MAD1L1: variants seen among roughly 807,000 people sequenced by gnomAD.
The protein encoded by MAD1L1 is mitotic arrest deficient 1 like 1, also known as mitotic spindle assembly checkpoint protein MAD1.
In MAD1L1, 95 loss-of-function variants were observed where a neutral mutation model predicts 96.9. The ratio of observed to expected loss-of-function variants is 0.98; its 90% confidence interval spans 0.83 to 1.16. The LOEUF (loss-of-function observed/expected upper bound fraction) is 1.16, where lower values mean the gene tolerates loss of function less well. Among genes scored for constraint, MAD1L1 ranks in the 50% most tolerant of loss-of-function variants. MAD1L1 has a pLI of 0.00. For synonymous variants in MAD1L1, 473 were observed against 396.6 expected, an observed-to-expected ratio of 1.19 and a Z score of -2.29; for missense variants, 1,007 against 954.4, an observed-to-expected ratio of 1.06 and a Z score of -0.73.
chr7:2,183,849 A>C (rs1791323701), intron 10 of MAD1L1, among the ~76,000 whole-genome samples: 1 of 152,118 alleles, frequency 6.6e-6, no homozygotes, highest in South Asian at 2.1e-4. Flanking sequence ...ACATGTATAC[A>C]TATGTAACAA....
intron 11 of MAD1L1, chr7:2,148,432 T>A (rs1356015244): frequency 1.3e-5 from 2 of 152,974 alleles, no homozygotes; most frequent in African/African-American, 4.8e-5. Context: ...TCATGGTAGC[T>A]CCACCTTCTG....
In MAD1L1 at chr7:2,184,033, G is replaced by A. The variant is rs547321052; in HGVS notation, c.986+29179C>T. Among the ~76,000 whole-genome samples, 16 of 152,020 alleles carry A rather than the reference G, an allele frequency of 1.1e-4. No individual in the cohort carries two copies. In the East Asian group the frequency reaches 1.5e-3, roughly 15 times the overall value. On this transcript the variant is annotated intron_variant, in intron 10 of 18. Coordinates refer to ENST00000265854, the MANE Select transcript of MAD1L1 (RefSeq NM_001013836.2). ...TGGGAGGCCGAGGCGGGTGGATCAC[G>A]AGGTCAGGAAATCGAGACCATCCTG...
chr7:2,129,276 C>G (rs1028532874), intron 11 of MAD1L1, among the ~76,000 whole-genome samples: 1 of 152,230 alleles, frequency 6.6e-6, no homozygotes, highest in South Asian at 2.1e-4. Flanking sequence ...AGTGAAAGAA[C>G]AAGACGCCTG....
In MAD1L1 at chr7:2,214,021, G is replaced by A. The variant is rs79594513; in HGVS notation, c.925-748C>T. 3.7e-3 allele frequency among the ~76,000 whole-genome samples: 564 copies of A among 152,350 alleles called. 6 individuals are homozygous for A. Among genetic ancestry groups the A allele is most frequent in the Middle Eastern group, 0.017 (5 of 294 alleles). On this transcript the variant is annotated intron_variant, in intron 9 of 18. Coordinates refer to ENST00000265854, the MANE Select transcript of MAD1L1 (RefSeq NM_001013836.2). ...GGTATTCTCACAGCCCCTCCTATGC[G>A]CAGGCACGCACTTGACTAGTAACTA... is the stretch of plus-strand genomic sequence containing the variant.
At chr7:2,040,699 C>T (rs999908199) in intron 12 of MAD1L1, among the ~76,000 whole-genome samples, 2 of 152,174 alleles carry the variant, frequency 1.3e-5, no homozygotes, top group South Asian at 2.1e-4. Flanking sequence ...AAGAGGCAGA[C>T]GAGGAAACCT....
chr7:1,870,059 C>G (rs937353030), intron 18 of MAD1L1, among the ~76,000 whole-genome samples: 1 of 152,300 alleles, frequency 6.6e-6, no homozygotes, highest in African/African-American at 2.4e-5. Context: ...CACGGCAGAA[C>G]AAGCCTGACC....
intron 16 of MAD1L1, among the ~76,000 whole-genome samples, chr7:1,954,286 C>A (rs1055000485): frequency 3.9e-5 from 6 of 152,296 alleles, no homozygotes; most frequent in Admixed American, 2.6e-4. Flanking sequence ...AGGCCCGTGC[C>A]CTCCACATCC....
chr7:2,004,338 C>T (rs143048735), intron 13 of MAD1L1, among the ~76,000 whole-genome samples: 120 of 152,334 alleles, frequency 7.9e-4, no homozygotes, highest in South Asian at 2.3e-3. Flanking sequence ...CGTCCATGTC[C>T]GCCACACCCG....
At chr7:2,227,399 C>A (rs1793958708) in intron 3 of MAD1L1, among the ~76,000 whole-genome samples, 1 of 152,158 alleles carries the variant, frequency 6.6e-6, no homozygotes. Flanking sequence ...CCAGTGGGGT[C>A]CAGTTTTGCC....
intron 11 of MAD1L1, among the ~76,000 whole-genome samples, chr7:2,137,240 C>A (rs1039907140): frequency 1.3e-5 from 2 of 152,230 alleles, no homozygotes; most frequent in Non-Finnish European, 2.9e-5. Flanking sequence ...CAATAAACAA[C>A]ATTCAAGTAG....
chr7:2,091,477 A>G (rs1313722306), intron 11 of MAD1L1, among the ~76,000 whole-genome samples: 1 of 152,224 alleles, frequency 6.6e-6, no homozygotes, highest in East Asian at 1.9e-4. Flanking sequence ...TTAGAAAAAT[A>G]CATTCAAGAT....
At chr7:2,074,680 G>A (rs546935270) in intron 11 of MAD1L1, among the ~76,000 whole-genome samples, 1 of 152,368 alleles carries the variant, frequency 6.6e-6, no homozygotes, top group African/African-American at 2.4e-5. Flanking sequence ...CTGGCGAAGC[G>A]CAGGTGTGGG....
intron 10 of MAD1L1, among the ~76,000 whole-genome samples, chr7:2,173,350 G>C (rs556959718): frequency 1.3e-5 from 2 of 152,070 alleles, no homozygotes; most frequent in South Asian, 4.2e-4. Context: ...TAGCTGCCCC[G>C]CGTCTGGCTG....
intron 18 of MAD1L1, among the ~76,000 whole-genome samples, chr7:1,841,733 C>G (rs4236271): frequency 6.6e-6 from 1 of 152,226 alleles, no homozygotes; most frequent in East Asian, 1.9e-4. Context: ...CAGATGGTCT[C>G]GGCCGTCACT....
At chr7:2,045,356 G>C (rs1464553341) in intron 12 of MAD1L1, among the ~76,000 whole-genome samples, 1 of 152,092 alleles carries the variant, frequency 6.6e-6, no homozygotes, top group Non-Finnish European at 1.5e-5. Flanking sequence ...CTGTGTCCCT[G>C]TGAGAGTGAC....
At chr7:2,188,524 A>C (rs1791567128) in intron 10 of MAD1L1, among the ~76,000 whole-genome samples, 1 of 152,238 alleles carries the variant, frequency 6.6e-6, no homozygotes, top group Non-Finnish European at 1.5e-5. Flanking sequence ...TAGAGATCCC[A>C]GAAATAAACA....
intron 11 of MAD1L1, among the ~76,000 whole-genome samples, chr7:2,111,827 C>T (rs1296405130): frequency 4.6e-5 from 7 of 152,212 alleles, no homozygotes; most frequent in African/African-American, 1.2e-4. Flanking sequence ...ACGCACACAC[C>T]GGATGCTTCC....
intron 10 of MAD1L1, among the ~76,000 whole-genome samples, chr7:2,169,109 C>G (rs1015924439): frequency 6.6e-6 from 1 of 152,210 alleles, no homozygotes; most frequent in Non-Finnish European, 1.5e-5. Flanking sequence ...GGCAAACGAT[C>G]CGTGACAGGA....
chr7:1,961,920 T>A (rs548962445), intron 15 of MAD1L1, among the ~76,000 whole-genome samples: 1 of 149,782 alleles, frequency 6.7e-6, no homozygotes, highest in Non-Finnish European at 1.5e-5. Flanking sequence ...GTTTCCCCCA[T>A]ACCATTCTCG....
Sources: allele counts gnomAD v4.1 joint callset (sites outside exome capture counted in the v4.1 genomes callset), GRCh38; gene constraint gnomAD v4.1.1; transcripts MANE v1.5; gene names NCBI Gene and HGNC (gene_info 2026-07-23, HGNC 2026-07-21).